The following NAV2 variants were observed in gnomAD, a reference collection of about 807,000 sequenced individuals.
NAV2 encodes helicase, APC down-regulated 1.
NAV2 carries 54 observed loss-of-function variants against 223.2 expected under a neutral mutation model. That is an observed-to-expected ratio of 0.24 (90% CI 0.19 to 0.30). NAV2 has a LOEUF of 0.30. Among genes scored for constraint, NAV2 ranks in the 10% least tolerant of loss-of-function variants. The pLI is 1.00. For missense variants in NAV2, 2,806 were observed against 3,147.5 expected, an observed-to-expected ratio of 0.89 and a Z score of 2.60; for synonymous variants, 1,279 against 1,239.3, an observed-to-expected ratio of 1.03 and a Z score of -0.67.
At chr11:19,744,408 T>A (rs1013538165) in intron 1 of NAV2, among the ~76,000 whole-genome samples, 1 of 152,196 alleles carries the variant, frequency 6.6e-6, no homozygotes. Context: ...AAGGTTTAGT[T>A]CTGACACCAC....
At position 19,631,016 on chromosome 11, in the gene NAV2, G is replaced by GT. The variant is rs1445596262; in HGVS notation, c.76-201461dup. 2.8e-5 allele frequency among the ~76,000 whole-genome samples: 4 copies of GT among 145,348 alleles called. No individual in the cohort carries two copies. In the South Asian group the frequency reaches 6.5e-4, roughly 24 times the overall value. On this transcript the variant is annotated intron_variant, in intron 1 of 37. Transcript: ENST00000360655. ...CAGTTTAAAAGCAGTGTTTTGTTTT[G>GT]TTTTTTTAATATTTTACTATATTTA...
In NAV2 at chr11:20,119,459, C is replaced by T. The variant is rs2063363605; in HGVS notation, c.*1201C>T. 6.5e-6 allele frequency: 1 copy of T among 152,680 alleles called. No homozygotes were observed. Among genetic ancestry groups the T allele is most frequent in the Admixed American group, 6.5e-5 (1 of 15,282 alleles). The allele number at this position is 152,680 out of a possible 1,614,324, so 9.5% of individuals were successfully genotyped here. Reference sequence around the variant, plus strand: ...AACACACACCAACACCTCCAGCGTCCCCGCCCCAGCTTCCGGTGGGGTGAT... The same window carrying T: ...AACACACACCAACACCTCCAGCGTCTCCGCCCCAGCTTCCGGTGGGGTGAT... On this transcript the variant is annotated 3_prime_UTR_variant, in exon 38 of 38. Coordinates refer to ENST00000349880, the MANE Select transcript of NAV2 (RefSeq NM_145117.5).
chr11:19,457,987 G>A (rs947740936), intron 1 of NAV2, among the ~76,000 whole-genome samples: 1 of 152,182 alleles, frequency 6.6e-6, no homozygotes, highest in South Asian at 2.1e-4. Flanking sequence ...TCCCTTCCAA[G>A]CCCAGTTGCC....
chr11:19,684,942 T>G (rs2048981994), intron 1 of NAV2, among the ~76,000 whole-genome samples: 1 of 152,104 alleles, frequency 6.6e-6, no homozygotes, highest in African/African-American at 2.4e-5. Context: ...GCTCAGTGAG[T>G]GCTGATTTCC....
intron 1 of NAV2, chr11:19,519,898 T>C (rs2043588265): frequency 6.6e-6 from 1 of 152,246 alleles, no homozygotes; most frequent in Non-Finnish European, 1.5e-5. Context: ...CTGGAATCTG[T>C]GAAGCGCGTT....
intron 11 of NAV2, among the ~76,000 whole-genome samples, chr11:19,994,513 T>A (rs2246409): frequency 7.2e-6 from 1 of 139,620 alleles, no homozygotes; most frequent in African/African-American, 2.7e-5. Flanking sequence ...GCCACTGCCC[T>A]CCAGCCTGGG....
intron 3 of NAV2, among the ~76,000 whole-genome samples, chr11:19,845,133 G>A (rs2060722911): frequency 6.6e-6 from 1 of 152,182 alleles, no homozygotes; most frequent in South Asian, 2.1e-4. Context: ...GACAGGCATG[G>A]ATGATTTTCT....
intron 1 of NAV2, among the ~76,000 whole-genome samples, chr11:19,744,008 G>A (rs1330290703): frequency 1.3e-5 from 2 of 152,246 alleles, no homozygotes; most frequent in African/African-American, 4.8e-5. Flanking sequence ...GGTTTACTGA[G>A]CACCTAATAT....
At chr11:19,829,743 C>T (rs1184844045) in intron 1 of NAV2, among the ~76,000 whole-genome samples, 1 of 152,192 alleles carries the variant, frequency 6.6e-6, no homozygotes, top group Admixed American at 6.5e-5. Flanking sequence ...CCTTCACTTC[C>T]TGAGCCCCAG....
intron 1 of NAV2, among the ~76,000 whole-genome samples, chr11:19,770,499 G>A (rs2055628693): frequency 6.6e-6 from 1 of 152,092 alleles, no homozygotes; most frequent in South Asian, 2.1e-4. Context: ...GAGGTGGTGG[G>A]TGGGGAGGGG....
intron 1 of NAV2, among the ~76,000 whole-genome samples, chr11:19,523,012 C>T (rs1013121377): frequency 2.6e-5 from 4 of 152,226 alleles, no homozygotes; most frequent in Admixed American, 6.5e-5. Context: ...CCTAAGCACT[C>T]GACTCATTAT....
intron 11 of NAV2, chr11:20,022,979 A>G: frequency 2.1e-6 from 3 of 1,412,178 alleles, no homozygotes; most frequent in Non-Finnish European, 2.9e-6. Context: ...CTTTAGTTAC[A>G]GAGTTGCTGG....
At chr11:19,818,907 ATCTG>A (rs1225834293) in intron 1 of NAV2, among the ~76,000 whole-genome samples, 3 of 152,148 alleles carry the variant, frequency 2.0e-5, no homozygotes, top group Admixed American at 6.5e-5. Flanking sequence ...CCATTAGTCC[ATCTG>A]TCTATTTGTG....
At chr11:19,842,165 G>A (rs1474128171) in intron 2 of NAV2, among the ~76,000 whole-genome samples, 1 of 152,114 alleles carries the variant, frequency 6.6e-6, no homozygotes, top group African/African-American at 2.4e-5. Context: ...CCATACTTAC[G>A]ATGAACTGCA....
intron 6 of NAV2, among the ~76,000 whole-genome samples, chr11:19,905,895 G>A (rs1407029026): frequency 1.3e-5 from 2 of 152,172 alleles, no homozygotes; most frequent in African/African-American, 2.4e-5. Flanking sequence ...AATAAAACTT[G>A]TGGGAGCGAA....
intron 1 of NAV2, among the ~76,000 whole-genome samples, chr11:19,624,970 G>A (rs1319430286): frequency 3.3e-5 from 5 of 152,170 alleles, no homozygotes; most frequent in Non-Finnish European, 7.3e-5. Flanking sequence ...TACTCATGAA[G>A]TACATAGTGA....
At chr11:19,984,734 A>G (rs576555097) in intron 11 of NAV2, among the ~76,000 whole-genome samples, 4 of 152,322 alleles carry the variant, frequency 2.6e-5, no homozygotes, top group African/African-American at 9.6e-5. Flanking sequence ...TAGACACCAC[A>G]TGCTAAGTAG....
chr11:19,503,509 A>G (rs4757815), intron 1 of NAV2: 44,924 of 152,044 alleles, frequency 0.3, 6,843 homozygotes, highest in Middle Eastern at 0.35. Flanking sequence ...CGGTCTCCAT[A>G]GTTTGGCCTT....
Position 20,045,448 on chromosome 11 carries a change from T to C in NAV2, c.3680T>C (p.Val1227Ala). 1 of 1,614,186 alleles carries C rather than the reference T, an allele frequency of 6.2e-7. No individual in the cohort carries two copies. The highest frequency in any genetic ancestry group is 8.5e-7 in the Non-Finnish European group (1 of 1,180,030). ...AGCAGCAAGTCCGCAGGCCTGCCAG[T>C]GCCCAAACTGAGGGAGCCTTCCAAA... ...NISSKSAGLP[V>A]PKLREPSKTA... The change falls in exon 14 of 38, where the codon GTG becomes GCG. Residue 1227 changes from valine (V) to alanine (A), a missense_variant. By Grantham distance (64) the Val-to-Ala change is moderately conservative (BLOSUM62 0). Transcript: ENST00000349880.
Sources: gnomAD v4.1 joint callset for allele counts (sites outside exome capture counted in the v4.1 genomes callset) on GRCh38, gnomAD v4.1.1 for gene constraint, MANE v1.5 for transcripts, NCBI Gene and HGNC (gene_info 2026-07-23, HGNC 2026-07-21) for gene names.